Variants in PRKN observed in about 807,000 individuals in gnomAD.
PRKN encodes parkin RBR E3 ubiquitin protein ligase.
In PRKN, 56 loss-of-function variants were observed where a neutral mutation model predicts 59.5. The ratio of observed to expected loss-of-function variants is 0.94; its 90% CI spans 0.76 to 1.18. The LOEUF is 1.18. Among genes scored for constraint, PRKN ranks in the 50% most tolerant of loss-of-function variants. The probability of loss-of-function intolerance (pLI) is 0.00; values close to 1 mark genes in which losing one functional copy is unlikely to be tolerated. For missense variants in PRKN, 657 were observed against 596.4 expected, an observed-to-expected ratio of 1.10 and a Z score of -1.06; for synonymous variants, 250 against 222.1, an observed-to-expected ratio of 1.13 and a Z score of -1.12.
At chr6:161,915,545 C>G (rs1362426447) in intron 6 of PRKN, among the ~76,000 whole-genome samples, 1 of 152,028 alleles carries the variant, frequency 6.6e-6, no homozygotes, top group Non-Finnish European at 1.5e-5. Flanking sequence ...TTGTGTCAAC[C>G]CTGTAAATGT....
At chr6:162,621,107 AG>A (rs57674155) in intron 1 of PRKN, among the ~76,000 whole-genome samples, 1 of 1,666 alleles carries the variant, frequency 6.0e-4, no homozygotes, top group African/African-American at 5.2e-3. Flanking sequence ...CCACATATCC[AG>A]CTTTGATCCA....
chr6:162,669,552 C>A (rs1192258666), intron 1 of PRKN, among the ~76,000 whole-genome samples: 2 of 152,116 alleles, frequency 1.3e-5, no homozygotes, highest in South Asian at 2.1e-4. Context: ...CCAGTCTATG[C>A]CATGACAAGC....
At chr6:162,359,072 AAAAAAAAAT>A (rs1785010244) in intron 2 of PRKN, among the ~76,000 whole-genome samples, 1 of 113,136 alleles carries the variant, frequency 8.8e-6, no homozygotes, top group Non-Finnish European at 1.8e-5. Context: ...AAAAAAAAAA[AAAAAAAAAT>A]ATATATATAT....
At position 162,442,220 on chromosome 6, in the gene PRKN, C is replaced by T. The variant is rs371509998; in HGVS notation, c.171+1090G>A. On this transcript the variant is annotated intron_variant, in intron 2 of 11. Transcript: ENST00000366898. ...GAGCATTTTACAAAGCCATAAATAT[C>T]GTTACCCACAAGAGACAGGGAAAGG... Among the ~76,000 whole-genome samples the T allele has an allele frequency of 5.6e-4, 85 of 152,232 alleles. 3 individuals are homozygous for T. In the South Asian group the frequency reaches 0.016, roughly 29 times the overall value.
intron 4 of PRKN, among the ~76,000 whole-genome samples, chr6:162,182,059 T>C (rs1783824214): frequency 7.5e-6 from 1 of 133,288 alleles, no homozygotes; most frequent in East Asian, 2.0e-4. Flanking sequence ...TCACAAATAA[T>C]GTGTAGAGAA....
At chr6:162,491,660 G>T (rs561550053) in intron 1 of PRKN, among the ~76,000 whole-genome samples, 313 of 152,286 alleles carry the variant, frequency 2.1e-3, no homozygotes, top group African/African-American at 7.4e-3. Context: ...TGGCTCAGGG[G>T]GTCAGGCTTG....
chr6:161,523,686 T>G (rs1366723284), intron 9 of PRKN, among the ~76,000 whole-genome samples: 1 of 152,232 alleles, frequency 6.6e-6, no homozygotes, highest in Non-Finnish European at 1.5e-5. Context: ...GTCTTTCCCC[T>G]ATCTCATGTG....
intron 1 of PRKN, among the ~76,000 whole-genome samples, chr6:162,539,372 A>G (rs1583757443): frequency 6.6e-6 from 1 of 152,206 alleles, no homozygotes; most frequent in South Asian, 2.1e-4. Flanking sequence ...ATAATTGTTC[A>G]TGTCCCTGAT....
At chr6:162,165,598 A>G (rs565392858) in intron 4 of PRKN, among the ~76,000 whole-genome samples, 2 of 149,778 alleles carry the variant, frequency 1.3e-5, no homozygotes, top group Admixed American at 6.6e-5. Flanking sequence ...ATGCCAGTGC[A>G]CAGGCACCAG....
Position 161,355,533 on chromosome 6 carries a change from C to G in PRKN, c.1285+4555G>C. ...TCTTGTGTCTCGGCCTCCCGAGTAG[C>G]TGGGATCACAGGTGCCTGCCACCAC... On this transcript the variant is annotated intron_variant, in intron 11 of 11. Coordinates refer to ENST00000366898, the MANE Select transcript of PRKN (RefSeq NM_004562.3). The surrounding 1 kb of genome is among the most constrained non-coding windows in gnomAD (Gnocchi z 6.8). 6.6e-6 allele frequency among the ~76,000 whole-genome samples: 1 copy of G among 152,034 alleles called. No individual in the cohort carries two copies.
chr6:161,853,301 T>G (rs937228920), intron 6 of PRKN, among the ~76,000 whole-genome samples: 1 of 152,242 alleles, frequency 6.6e-6, no homozygotes, highest in African/African-American at 2.4e-5. Flanking sequence ...TGTAGTTTTC[T>G]GAATACAATT....
At chr6:162,279,333 A>G (rs375701053) in intron 2 of PRKN, among the ~76,000 whole-genome samples, 31 of 151,656 alleles carry the variant, frequency 2.0e-4, no homozygotes, top group African/African-American at 7.3e-4. Context: ...CAGAGACTCC[A>G]TTAAAACAAA....
intron 1 of PRKN, among the ~76,000 whole-genome samples, chr6:162,492,548 C>T (rs1208969600): frequency 6.6e-6 from 1 of 152,178 alleles, no homozygotes; most frequent in African/African-American, 2.4e-5. Flanking sequence ...CTTGTAATTC[C>T]AGCACTTTGG....
At chr6:161,880,346 C>T (rs1463295426) in intron 6 of PRKN, among the ~76,000 whole-genome samples, 1 of 152,062 alleles carries the variant, frequency 6.6e-6, no homozygotes, top group Non-Finnish European at 1.5e-5. Flanking sequence ...ATATTTTGAA[C>T]ATGCATATTT....
rs1001326393 is a variant in PRKN, at chr6:161,460,099, C to T, written c.1084-73222G>A. 2.1e-4 allele frequency among the ~76,000 whole-genome samples: 32 copies of T among 152,136 alleles called. No homozygotes were observed. Among genetic ancestry groups the T allele is most frequent in the East Asian group, 7.7e-4 (4 of 5,196 alleles). ...AAGCAGGCATGGTGCAGGAATAGTACGAACAAATATAAACAGCAATTGATC... is the reference window on the plus strand; with the variant it reads ...AAGCAGGCATGGTGCAGGAATAGTATGAACAAATATAAACAGCAATTGATC... On this transcript the variant is annotated intron_variant, in intron 9 of 11. Transcript: ENST00000366898. This position sits in a 1 kb window ranked among gnomAD's most constrained non-coding sequence, Gnocchi z 5.0.
intron 9 of PRKN, among the ~76,000 whole-genome samples, chr6:161,543,841 G>A (rs1345052940): frequency 6.6e-6 from 1 of 152,156 alleles, no homozygotes; most frequent in African/African-American, 2.4e-5. Flanking sequence ...TCCCAGGTCA[G>A]TGAGTATAAT....
At chr6:162,425,936 C>T (rs1466561168) in intron 2 of PRKN, among the ~76,000 whole-genome samples, 1 of 152,154 alleles carries the variant, frequency 6.6e-6, no homozygotes, top group African/African-American at 2.4e-5. Context: ...TAGCGACTAA[C>T]CACAAAGATT....
At chr6:162,446,526 T>A (rs1414100743) in intron 1 of PRKN, among the ~76,000 whole-genome samples, 1 of 152,160 alleles carries the variant, frequency 6.6e-6, no homozygotes, top group Non-Finnish European at 1.5e-5. Context: ...TTTTCTATAA[T>A]AGAAAAGTTA....
intron 1 of PRKN, among the ~76,000 whole-genome samples, chr6:162,646,326 G>A (rs985377651): frequency 3.3e-5 from 5 of 151,862 alleles, no homozygotes; most frequent in African/African-American, 1.2e-4. Context: ...AGGCTAGAGT[G>A]CAGTGGTGTA....
Sources: gnomAD v4.1 joint callset for allele counts (sites outside exome capture counted in the v4.1 genomes callset) on GRCh38, gnomAD v4.1.1 for gene constraint, Gnocchi (gnomAD v3.1) non-coding constraint, MANE v1.5 for transcripts, NCBI Gene and HGNC (gene_info 2026-07-23, HGNC 2026-07-21) for gene names.